PIK3C2A: variants seen among roughly 807,000 people sequenced by gnomAD.
PIK3C2A encodes phosphatidylinositol 4-phosphate 3-kinase C2 domain-containing subunit alpha.
In PIK3C2A, 97 loss-of-function variants were observed where a neutral mutation model predicts 204.5. The observed-to-expected ratio is 0.47, with a 90% CI of 0.40 to 0.56. The LOEUF is 0.56. PIK3C2A is among the 20% of genes least tolerant of loss of function. The pLI is 0.00. For synonymous variants in PIK3C2A, 653 were observed against 664.4 expected (o/e 0.98, Z 0.26); for missense variants, 1,735 against 1,969.2 (o/e 0.88, Z 2.25).
At chr11:17,167,655 T>A (rs1851010654) in intron 2 of PIK3C2A, among the ~76,000 whole-genome samples, 1 of 151,990 alleles carries the variant, frequency 6.6e-6, no homozygotes, top group Non-Finnish European at 1.5e-5. Flanking sequence ...AGTCAACAAT[T>A]CAACATAAAC....
chr11:17,113,552 A>G (rs939379132), intron 20 of PIK3C2A, among the ~76,000 whole-genome samples: 10 of 152,038 alleles, frequency 6.6e-5, no homozygotes, highest in Non-Finnish European at 1.3e-4. Context: ...CCAGCTGGGC[A>G]TGGTGGCTCA....
At chr11:17,199,534 A>G (rs1852288921) in intron 1 of PIK3C2A, among the ~76,000 whole-genome samples, 1 of 152,260 alleles carries the variant, frequency 6.6e-6, no homozygotes, top group South Asian at 2.1e-4. Flanking sequence ...GATACATTCT[A>G]CAACATGTAT....
intron 1 of PIK3C2A, among the ~76,000 whole-genome samples, chr11:17,181,896 A>G (rs1031252914): frequency 6.6e-6 from 1 of 151,868 alleles, no homozygotes; most frequent in Non-Finnish European, 1.5e-5. Context: ...GTTCGAGACC[A>G]GCCTGACCAA....
chr11:17,090,467 C>T (rs949398796), intron 32 of PIK3C2A, among the ~76,000 whole-genome samples: 4 of 151,952 alleles, frequency 2.6e-5, no homozygotes, highest in African/African-American at 9.7e-5. Flanking sequence ...AACTCTGCCT[C>T]TAAAAATAAA....
intron 11 of PIK3C2A, 70 bp downstream of exon 11, chr11:17,134,749 C>T (rs1179319285): frequency 1.1e-5 from 12 of 1,117,610 alleles, no homozygotes; most frequent in Non-Finnish European, 1.5e-5. Flanking sequence ...AATCCTCCCA[C>T]TGTGGCCTCA....
At chr11:17,204,215 G>C (rs1036465941) in intron 1 of PIK3C2A, 4 of 152,326 alleles carry the variant, frequency 2.6e-5, no homozygotes, top group African/African-American at 9.6e-5. Context: ...TTAAGTGCCT[G>C]AAATGTGGCT....
chr11:17,098,870 C>T (rs137877590), intron 26 of PIK3C2A, among the ~76,000 whole-genome samples: 2,085 of 152,272 alleles, frequency 0.014, 156 homozygotes, highest in Admixed American at 0.11. Flanking sequence ...AGCCTGATCA[C>T]CAGACCTTTA....
chr11:17,112,627 C>T lies in PIK3C2A; in HGVS notation c.3361G>A (p.Val1121Ile), dbSNP rs1023427333. 3 of 1,556,926 alleles carry T rather than the reference C, an allele frequency of 1.9e-6. No homozygotes were observed. The Admixed American group carries it at 5.4e-5, about 28-fold the overall frequency. Residue 1121 changes from valine (V) to isoleucine (I), a missense_variant, in exon 21 of 33, where the codon GTC becomes ATC. Physicochemically the swap from Val to Ile is conservative, Grantham distance 29. This residue lies in a region of PIK3C2A where 567 missense variants were observed against 576.0 expected (regional missense o/e 0.98). Transcript: ENST00000691414. ...ATAGGGTCAGCATTCACCATTGTGA[C>T]TTTTAGGGGGACAGCATTAGAACTG... Reference protein sequence around the residue: ...FFSSNAVPLKVTMVNADPMGE... With the variant: ...FFSSNAVPLKITMVNADPMGE...
At chr11:17,189,188 A>G (rs1416713348) in intron 1 of PIK3C2A, among the ~76,000 whole-genome samples, 2 of 147,198 alleles carry the variant, frequency 1.4e-5, no homozygotes, top group East Asian at 3.8e-4. Context: ...CAGCTGCAAC[A>G]AAGCACAGAC....
chr11:17,149,470 A>C (rs1252550106), intron 4 of PIK3C2A, among the ~76,000 whole-genome samples: 1 of 152,234 alleles, frequency 6.6e-6, no homozygotes, highest in Non-Finnish European at 1.5e-5. Context: ...GGGGTCCTGG[A>C]AACAATCCCC....
chr11:17,121,856 AT>A (rs1199284015), intron 15 of PIK3C2A, among the ~76,000 whole-genome samples: 1 of 152,050 alleles, frequency 6.6e-6, no homozygotes, highest in African/African-American at 2.4e-5. Context: ...GGTTAAAAAA[AT>A]CTCTTGATAT....
At position 17,145,962 on chromosome 11, in the gene PIK3C2A, C is replaced by CA. The variant is rs558339205; in HGVS notation, c.1561-21dup. The CA allele has an allele frequency of 1.5e-3, 2,338 of 1,568,382 alleles. 9 individuals are homozygous for CA. The highest frequency in any genetic ancestry group is 4.1e-3 in the Middle Eastern group (22 of 5,406). On this transcript the variant is annotated intron_variant, in intron 6 of 32. Coordinates refer to ENST00000691414, the MANE Select transcript of PIK3C2A (RefSeq NM_002645.4). The stretch of plus-strand genomic sequence containing the variant: ...TTCTGCCTAAACAAACACATATACA[C>CA]AAAAAAATCACATCCACTCTTTGGT...
intron 32 of PIK3C2A, among the ~76,000 whole-genome samples, chr11:17,090,372 C>G (rs1184117567): frequency 3.3e-5 from 5 of 152,208 alleles, no homozygotes; most frequent in Admixed American, 6.5e-5. Flanking sequence ...GAGGCTGAGG[C>G]AGGAGAATCA....
intron 2 of PIK3C2A, among the ~76,000 whole-genome samples, chr11:17,163,811 A>G (rs905766735): frequency 1.3e-5 from 2 of 151,976 alleles, no homozygotes; most frequent in African/African-American, 4.8e-5. Context: ...AAAAATTAGT[A>G]TATCAACATT....
intron 24 of PIK3C2A, among the ~76,000 whole-genome samples, chr11:17,101,820 G>A (rs964459854): frequency 7.9e-5 from 12 of 151,714 alleles, no homozygotes; most frequent in Admixed American, 2.6e-4. Flanking sequence ...AGCCAGGATG[G>A]TCTCGATCTC....
At chr11:17,131,872 A>T (rs199703547) in intron 12 of PIK3C2A, 44 bp downstream of exon 12, 11 of 1,546,894 alleles carry the variant, frequency 7.1e-6, no homozygotes, top group South Asian at 7.1e-5. Context: ...AAAAGTAAAC[A>T]ACAGGACACA....
At chr11:17,195,718 G>A (rs747674452) in intron 1 of PIK3C2A, among the ~76,000 whole-genome samples, 68 of 150,616 alleles carry the variant, frequency 4.5e-4, no homozygotes, top group Non-Finnish European at 8.0e-4. Flanking sequence ...ACTCCAGCCT[G>A]GGAGACAGAG....
chr11:17,124,164 G>T (rs1849447717), intron 13 of PIK3C2A, among the ~76,000 whole-genome samples: 1 of 152,058 alleles, frequency 6.6e-6, no homozygotes, highest in Admixed American at 6.6e-5. Context: ...ACCACACCGG[G>T]CTATAGTCTG....
At chr11:17,105,838 G>A (rs767010796) in intron 22 of PIK3C2A, among the ~76,000 whole-genome samples, 10 of 152,196 alleles carry the variant, frequency 6.6e-5, no homozygotes, top group Non-Finnish European at 1.2e-4. Flanking sequence ...CCTGGGTGCA[G>A]TGACTCACGC....
Sources: allele counts gnomAD v4.1 joint callset (sites outside exome capture counted in the v4.1 genomes callset), GRCh38; gene constraint gnomAD v4.1.1; regional missense constraint gnomAD v4.1.1; transcripts MANE v1.5; gene names NCBI Gene and HGNC (gene_info 2026-07-23, HGNC 2026-07-21).